Variants in KCNH5 observed in about 807,000 individuals in gnomAD.
KCNH5 encodes voltage-gated delayed rectifier potassium channel KCNH5.
A neutral mutation model predicts 96.1 loss-of-function variants in KCNH5; 46 were observed. The observed-to-expected ratio is 0.48, with a 90% CI of 0.38 to 0.61. The LOEUF (loss-of-function observed/expected upper bound fraction) is 0.61. Among genes scored for constraint, KCNH5 ranks in the 20% least tolerant of loss-of-function variants. The pLI, the probability that KCNH5 is intolerant of heterozygous loss-of-function variation, is 0.00. For synonymous variants in KCNH5, 439 were observed against 449.8 expected (o/e 0.98, Z 0.30); for missense variants, 907 against 1,225.8 (o/e 0.74, Z 3.88).
intron 7 of KCNH5, among the ~76,000 whole-genome samples, chr14:62,913,036 T>C (rs139338811): frequency 6.6e-6 from 1 of 152,210 alleles, no homozygotes; most frequent in African/African-American, 2.4e-5. Flanking sequence ...AATATCTACA[T>C]AAAATGACTT....
intron 7 of KCNH5, among the ~76,000 whole-genome samples, chr14:62,875,805 A>C (rs1338119595): frequency 1.3e-5 from 2 of 152,184 alleles, no homozygotes; most frequent in African/African-American, 4.8e-5. Context: ...TCACGAGGTC[A>C]GGAGATTAAG....
intron 8 of KCNH5, among the ~76,000 whole-genome samples, chr14:62,805,552 C>A (rs552513397): frequency 6.6e-6 from 1 of 152,226 alleles, no homozygotes; most frequent in East Asian, 1.9e-4. Context: ...TTGTTATTTA[C>A]TCTGGAAATG....
At chr14:62,893,260 G>A (rs1012154145) in intron 7 of KCNH5, among the ~76,000 whole-genome samples, 2 of 152,134 alleles carry the variant, frequency 1.3e-5, no homozygotes. Flanking sequence ...TCAGTGGAGG[G>A]AGTAACTGCA....
chr14:62,863,380 G>C (rs1289791187), intron 7 of KCNH5, among the ~76,000 whole-genome samples: 1 of 152,070 alleles, frequency 6.6e-6, no homozygotes, highest in Non-Finnish European at 1.5e-5. Flanking sequence ...AGAGATGGAA[G>C]ACAAAAAACA....
At chr14:62,829,382 G>T (rs1475309355) in intron 8 of KCNH5, among the ~76,000 whole-genome samples, 1 of 152,118 alleles carries the variant, frequency 6.6e-6, no homozygotes, top group Non-Finnish European at 1.5e-5. Context: ...TCTCCCTAAG[G>T]GCTCCACCCC....
intron 7 of KCNH5, among the ~76,000 whole-genome samples, chr14:62,886,481 T>C (rs972110235): frequency 3.9e-5 from 6 of 152,234 alleles, no homozygotes; most frequent in South Asian, 2.1e-4. Flanking sequence ...GGGTTTCTTA[T>C]GGCTTGAACC....
intron 10 of KCNH5, among the ~76,000 whole-genome samples, chr14:62,752,090 C>T (rs529253690): frequency 6.6e-6 from 1 of 152,188 alleles, no homozygotes; most frequent in Admixed American, 6.5e-5. Context: ...CACATAATCT[C>T]TCCTCCCCAA....
intron 7 of KCNH5, among the ~76,000 whole-genome samples, chr14:62,885,199 C>T (rs1888572630): frequency 6.6e-6 from 1 of 152,218 alleles, no homozygotes; most frequent in East Asian, 1.9e-4. Flanking sequence ...CAACTGAAAA[C>T]CAAAACCTAC....
intron 4 of KCNH5, among the ~76,000 whole-genome samples, chr14:62,994,951 GAT>G (rs1890879853): frequency 6.6e-6 from 1 of 152,106 alleles, no homozygotes; most frequent in South Asian, 2.1e-4. Flanking sequence ...ATAATTCAAA[GAT>G]AGTGTTGACA....
chr14:62,885,666 A>G (rs1888581634), intron 7 of KCNH5, among the ~76,000 whole-genome samples: 1 of 152,236 alleles, frequency 6.6e-6, no homozygotes, highest in African/African-American at 2.4e-5. Flanking sequence ...TGGCATGGCC[A>G]GTGCCTTCAG....
At chr14:62,983,826 G>GTACA (rs1890656063) in intron 5 of KCNH5, among the ~76,000 whole-genome samples, 1 of 152,168 alleles carries the variant, frequency 6.6e-6, no homozygotes, top group African/African-American at 2.4e-5. Flanking sequence ...TGATTACAAT[G>GTACA]TACAGCCCAA....
intron 10 of KCNH5, among the ~76,000 whole-genome samples, chr14:62,719,545 G>A (rs1219015673): frequency 6.6e-6 from 1 of 152,210 alleles, no homozygotes; most frequent in African/African-American, 2.4e-5. Flanking sequence ...CCACTCCAGC[G>A]CAGCCACACG....
At chr14:62,787,306 A>G (rs1371392413) in intron 9 of KCNH5, among the ~76,000 whole-genome samples, 2 of 152,212 alleles carry the variant, frequency 1.3e-5, no homozygotes, top group East Asian at 3.9e-4. Flanking sequence ...CCTTACGCCA[A>G]AGCCAAATCC....
At chr14:62,970,003 A>T (rs1277341219) in intron 6 of KCNH5, among the ~76,000 whole-genome samples, 1 of 134,664 alleles carries the variant, frequency 7.4e-6, no homozygotes, top group African/African-American at 2.8e-5. Flanking sequence ...GCGCCACTGC[A>T]CTCCAGCTTG....
chr14:62,727,083 G>A (rs1450313735), intron 10 of KCNH5, among the ~76,000 whole-genome samples: 2 of 152,140 alleles, frequency 1.3e-5, no homozygotes, highest in Admixed American at 6.5e-5. Flanking sequence ...AAGTGAGTAG[G>A]GGCAGGCAGA....
intron 7 of KCNH5, among the ~76,000 whole-genome samples, chr14:62,872,122 A>G (rs915430026): frequency 6.6e-6 from 1 of 152,216 alleles, no homozygotes; most frequent in South Asian, 2.1e-4. Flanking sequence ...TTCTTTCACA[A>G]TTTCATTTCC....
chr14:63,019,266 T>C (rs1891383236), intron 1 of KCNH5, among the ~76,000 whole-genome samples: 1 of 152,126 alleles, frequency 6.6e-6, no homozygotes, highest in South Asian at 2.1e-4. Context: ...AAAAGTGTTC[T>C]ATTTTCTGCA....
intron 8 of KCNH5, among the ~76,000 whole-genome samples, chr14:62,808,297 G>T (rs1282901670): frequency 6.6e-6 from 1 of 152,012 alleles, no homozygotes; most frequent in Non-Finnish European, 1.5e-5. Flanking sequence ...GTTGTGGAAG[G>T]TTTATAAAAA....
At chr14:62,876,766 G>C (rs1888381818) in intron 7 of KCNH5, among the ~76,000 whole-genome samples, 1 of 152,154 alleles carries the variant, frequency 6.6e-6, no homozygotes, top group South Asian at 2.1e-4. Context: ...TCCAGAAATA[G>C]AAGCACACCT....
Sources: allele counts gnomAD v4.1 joint callset (sites outside exome capture counted in the v4.1 genomes callset), GRCh38; gene constraint gnomAD v4.1.1; transcripts MANE v1.5; gene names NCBI Gene and HGNC (gene_info 2026-07-23, HGNC 2026-07-21).